The following LRRC27 variants were observed in gnomAD, a reference collection of about 807,000 sequenced individuals.
LRRC27 encodes the protein leucine rich repeat containing 27, also known as leucine-rich repeat-containing protein 27.
In LRRC27, 57 loss-of-function variants were observed where a neutral mutation model predicts 55.0. The observed-to-expected ratio is 1.04, with a 90% CI of 0.84 to 1.29. LRRC27 has a LOEUF of 1.29. LRRC27 is among the 50% of genes most tolerant of loss of function. The pLI is 0.00. For synonymous variants in LRRC27, 278 were observed against 251.9 expected (o/e 1.10, Z -0.98); for missense variants, 721 against 651.5 (o/e 1.11, Z -1.16).
At chr10:132,361,208 C>T (rs1039298997) in intron 8 of LRRC27, among the ~76,000 whole-genome samples, 7 of 152,238 alleles carry the variant, frequency 4.6e-5, no homozygotes, top group Non-Finnish European at 8.8e-5. Flanking sequence ...CACTCTGCAT[C>T]TTTACCTCCT....
Position 132,374,256 on chromosome 10 carries a change from C to T in LRRC27, c.1417-810C>T, listed in dbSNP as rs961028263. Among the ~76,000 whole-genome samples, 20 of 152,062 alleles carry T rather than the reference C, an allele frequency of 1.3e-4. No individual in the cohort carries two copies. The highest frequency in any genetic ancestry group is 2.2e-4 in the Non-Finnish European group (15 of 68,002). On this transcript the variant is annotated intron_variant, in intron 10 of 10. Coordinates refer to ENST00000368614, the MANE Select transcript of LRRC27 (RefSeq NM_030626.3). This position sits in a 1 kb window ranked among gnomAD's most constrained non-coding sequence, Gnocchi z 4.4. ...ATGTCTGTATGGGGCGGGGAGGCTG[C>T]AGGGGTCTCCTGGGACCTGCACTGG...
chr10:132,330,241 G>C (rs1398056447), upstream of LRRC27: 8 of 557,804 alleles, frequency 1.4e-5, no homozygotes, highest in Admixed American at 3.0e-5. Context: ...TGAAAAATGT[G>C]AAACAAAAAC....
rs555551591 is a variant in LRRC27 at position 132,374,486 on chromosome 10, G to A, written c.1417-580G>A. Reference sequence around the variant, plus strand: ...CTCAGCCTCACTTTGTTCTGCCCAGGGGATTGGCCGTGGACCATGAGGTTT... The same window carrying A: ...CTCAGCCTCACTTTGTTCTGCCCAGAGGATTGGCCGTGGACCATGAGGTTT... On this transcript the variant is annotated intron_variant, in intron 10 of 10. Transcript: ENST00000368614. The surrounding 1 kb of genome is among the most constrained non-coding windows in gnomAD (Gnocchi z 4.4). Among the ~76,000 whole-genome samples, 144 of 152,320 alleles carry A rather than the reference G, an allele frequency of 9.5e-4. No individual in the cohort carries two copies. Among genetic ancestry groups the A allele is most frequent in the Non-Finnish European group, 1.8e-3 (123 of 68,018 alleles).
chr10:132,349,526 C>T (rs117322274), intron 6 of LRRC27, among the ~76,000 whole-genome samples: 2,567 of 152,288 alleles, frequency 0.017, 27 homozygotes, highest in Non-Finnish European at 0.024. Flanking sequence ...CACAGTCGCA[C>T]GGTGAAAGGG....
upstream of LRRC27, chr10:132,332,148 C>T (rs991218838): frequency 5.8e-6 from 1 of 171,124 alleles, no homozygotes; most frequent in Non-Finnish European, 1.2e-5. Context: ...CTGCGGGATT[C>T]CGTACCGGCG....
At chr10:132,364,766 G>C (rs144977774) in intron 9 of LRRC27, among the ~76,000 whole-genome samples, 36 of 7,946 alleles carry the variant, frequency 4.5e-3, no homozygotes, top group Non-Finnish European at 7.6e-3. Context: ...TTACACTCAT[G>C]CTTACATCTA....
chr10:132,347,608 A>G (rs554568338), intron 5 of LRRC27, among the ~76,000 whole-genome samples: 1 of 146,506 alleles, frequency 6.8e-6, no homozygotes, highest in East Asian at 2.1e-4. Context: ...AGGTGCTCCC[A>G]GTGGGGCCTG....
At chr10:132,354,753 C>T (rs1163688168) in intron 7 of LRRC27, among the ~76,000 whole-genome samples, 8 of 152,154 alleles carry the variant, frequency 5.3e-5, no homozygotes, top group South Asian at 2.1e-4. Flanking sequence ...GTGGAGGCGT[C>T]GAGGAAAACC....
rs1051435481 is a variant in LRRC27 at position 132,374,126 on chromosome 10, C to T, written c.1417-940C>T. ...GGGGTGCAGTGGCTCCAGGGACCTG[C>T]TGTGATTATGGCTGCATGGTGAGGG... On this transcript the variant is annotated intron_variant, in intron 10 of 10. Transcript: ENST00000368614. The surrounding 1 kb of genome is among the most constrained non-coding windows in gnomAD (Gnocchi z 4.4). Among the ~76,000 whole-genome samples the T allele has an allele frequency of 1.5e-4, 19 of 122,754 alleles. No homozygotes were observed. The highest frequency in any genetic ancestry group is 3.6e-4 in the African/African-American group (9 of 25,194). The allele number at this position is 122,754 out of a possible 152,430, so 80.5% of individuals were successfully genotyped here.
intron 10 of LRRC27, among the ~76,000 whole-genome samples, chr10:132,370,016 C>T (rs1462027696): frequency 1.3e-5 from 2 of 152,142 alleles, no homozygotes; most frequent in Non-Finnish European, 2.9e-5. Flanking sequence ...GGCGGTGCCA[C>T]CCATTTCACA....
At chr10:132,342,957 A>G (rs893852200) in intron 4 of LRRC27, among the ~76,000 whole-genome samples, 1 of 152,156 alleles carries the variant, frequency 6.6e-6, no homozygotes, top group Non-Finnish European at 1.5e-5. Flanking sequence ...AAACATTAAG[A>G]TTGTATAGCT....
rs1405066406 is a variant in LRRC27 at position 132,375,393 on chromosome 10, A to G, written c.*151A>G. ...GCGCAGCCTGTTGTTTTCCTTAGACAGGTCCACGTCCCTCTCCTGAGGCTG... is the reference window on the plus strand; with the variant it reads ...GCGCAGCCTGTTGTTTTCCTTAGACGGGTCCACGTCCCTCTCCTGAGGCTG... On this transcript the variant is annotated 3_prime_UTR_variant, in exon 11 of 11. Coordinates refer to ENST00000368614, the MANE Select transcript of LRRC27 (RefSeq NM_030626.3). 4 of 642,312 alleles carry G rather than the reference A, an allele frequency of 6.2e-6. No individual in the cohort carries two copies. In the Admixed American group the frequency reaches 9.2e-5, roughly 15 times the overall value. 39.8% of individuals were successfully genotyped at this position (642,312 alleles called of 1,614,324 possible). A position where few individuals can be genotyped will look rare whatever the true frequency, so the allele number is the denominator to read the frequency against.
Position 132,361,460 on chromosome 10 carries a change from G to T in LRRC27, c.1174G>T (p.Ala392Ser). 2 of 1,608,532 alleles carry T rather than the reference G, an allele frequency of 1.2e-6. No homozygotes were observed. Among genetic ancestry groups the T allele is most frequent in the Non-Finnish European group, 1.7e-6 (2 of 1,175,190 alleles). Residue 392 changes from alanine to serine, a missense_variant, in exon 9 of 11, where the codon GCA (alanine) becomes TCA (serine). Physicochemically the swap from Ala to Ser is moderately conservative, Grantham distance 99. Coordinates refer to ENST00000368614, the MANE Select transcript of LRRC27 (RefSeq NM_030626.3). ...TCATCTTGTTGCATTTTCCTAGGTG[G>T]CATCAAAGATTCCCTCTGCCACAGA... is the stretch of plus-strand genomic sequence containing the variant. ...KLLPPRRSMV[A>S]SKIPSATDLI...
rs2067574005 is a variant in LRRC27 at position 132,344,439 on chromosome 10, C to G, written c.401-59C>G. ...TGAAAAGTTACTATTATTTATTCCT[C>G]ATTTTCATTTCAAGAATGGTATATA... is the stretch of plus-strand genomic sequence containing the variant. On this transcript the variant is annotated intron_variant, in intron 4 of 10. Coordinates refer to ENST00000368614, the MANE Select transcript of LRRC27 (RefSeq NM_030626.3). 4 of 1,502,264 alleles carry G rather than the reference C, an allele frequency of 2.7e-6. No individual in the cohort carries two copies. The Admixed American group carries it at 7.6e-5, about 29-fold the overall frequency. The allele number at this position is 1,502,264 out of a possible 1,614,324, so 93.1% of individuals were successfully genotyped here.
intron 4 of LRRC27, 22 bp downstream of exon 4, chr10:132,342,293 G>C (rs895658202): frequency 2.8e-6 from 4 of 1,428,350 alleles, no homozygotes; most frequent in Non-Finnish European, 3.8e-6. Context: ...ATAATAAAAA[G>C]ATGATTTTAA....
chr10:132,365,504 A>G lies in LRRC27; in HGVS notation c.1370A>G (p.Gln457Arg). The G allele has an allele frequency of 6.2e-7, 1 of 1,613,704 alleles. No homozygotes were observed. Among genetic ancestry groups the G allele is most frequent in the Non-Finnish European group, 8.5e-7 (1 of 1,179,994 alleles). ...QMREQRRFHG[Q>R]APLEEMRKAA... is the part of the protein sequence containing the mutation. ...CGTGAGCAAAGAAGATTCCATGGCCAGGCCCCACTGGAGGAGATGAGGAAG... is the reference window on the plus strand; with the variant it reads ...CGTGAGCAAAGAAGATTCCATGGCCGGGCCCCACTGGAGGAGATGAGGAAG... The change falls in exon 10 of 11, where the codon CAG (glutamine) becomes CGG (arginine). Residue 457 changes from glutamine (Q) to arginine (R), a missense_variant. Transcript: ENST00000368614.
At chr10:132,333,783 C>T in intron 2 of LRRC27, 49 bp downstream of exon 2, 1 of 1,430,898 alleles carries the variant, frequency 7.0e-7, no homozygotes, top group Non-Finnish European at 9.7e-7. Context: ...CCCCTATAGA[C>T]AGAAATGGGA....
In LRRC27 at chr10:132,380,524, T is replaced by C. The variant is rs1391683847; in HGVS notation, c.*5282T>C. ...AGTGATCTGTTTTAACTGGACATGG[T>C]GGCACACGCCTGCAGTCCCAGCTAC... On this transcript the variant is annotated 3_prime_UTR_variant, in exon 11 of 11. Coordinates refer to ENST00000368614, the MANE Select transcript of LRRC27 (RefSeq NM_030626.3). 6.6e-6 allele frequency among the ~76,000 whole-genome samples: 1 copy of C among 152,074 alleles called. No homozygotes were observed. The highest frequency in any genetic ancestry group is 2.4e-5 in the African/African-American group (1 of 41,376).
intron 9 of LRRC27, among the ~76,000 whole-genome samples, chr10:132,362,497 G>A (rs918860067): frequency 2.0e-5 from 3 of 152,184 alleles, no homozygotes; most frequent in Admixed American, 6.5e-5. Flanking sequence ...GAGTCGGGGC[G>A]CAAGGCAAGG....
Sources: allele counts gnomAD v4.1 joint callset (sites outside exome capture counted in the v4.1 genomes callset), GRCh38; gene constraint gnomAD v4.1.1; non-coding constraint Gnocchi (gnomAD v3.1); transcripts MANE v1.5; gene names NCBI Gene and HGNC (gene_info 2026-07-23, HGNC 2026-07-21).